Variants in BEGAIN observed in about 807,000 individuals in gnomAD.
BEGAIN encodes brain-enriched guanylate kinase-associated protein.
Under a neutral mutation model 35.8 loss-of-function variants are expected in BEGAIN, and 19 were observed. The observed-to-expected ratio is 0.53, with a 90% CI of 0.37 to 0.78. BEGAIN has a LOEUF of 0.78. Among genes scored for constraint, BEGAIN ranks in the 30% least tolerant of loss-of-function variants. The pLI is 0.00. For missense variants in BEGAIN, 795 were observed against 853.6 expected, an observed-to-expected ratio of 0.93 and a Z score of 0.85; for synonymous variants, 462 against 388.6, an observed-to-expected ratio of 1.19 and a Z score of -2.22.
intron 2 of BEGAIN, among the ~76,000 whole-genome samples, chr14:100,559,895 T>C (rs1242144598): frequency 6.6e-6 from 1 of 152,134 alleles, no homozygotes; most frequent in Non-Finnish European, 1.5e-5. Flanking sequence ...GCAGCAGCAA[T>C]GTTTGGAGGG....
At chr14:100,580,753 C>T (rs2035299042) in intron 1 of BEGAIN, among the ~76,000 whole-genome samples, 2 of 152,182 alleles carry the variant, frequency 1.3e-5, no homozygotes, top group South Asian at 4.1e-4. Flanking sequence ...CACTGTATCC[C>T]AGCTCTTTGC....
intron 2 of BEGAIN, among the ~76,000 whole-genome samples, chr14:100,555,520 C>T (rs117887832): frequency 0.03 from 4,575 of 152,322 alleles, 91 homozygotes; most frequent in Non-Finnish European, 0.041. Context: ...ATTTAGTCCT[C>T]AGACCCCCGA....
chr14:100,544,214 G>C (rs1169130279), intron 4 of BEGAIN, among the ~76,000 whole-genome samples: 1 of 152,192 alleles, frequency 6.6e-6, no homozygotes, highest in Non-Finnish European at 1.5e-5. Context: ...ACACAGAGGT[G>C]ACAGCGTCCT....
At position 100,586,408 on chromosome 14, in the gene BEGAIN, C is replaced by G. The variant is rs2035445828; in HGVS notation, c.42+841G>C. ...GCAGTGCTCCCTATCCATCCGGCCC[C>G]GCTCCCGGGTGCCCACTCTGCTCCC... On this transcript the variant is annotated intron_variant, in intron 1 of 6. Coordinates refer to ENST00000554140, the MANE Select transcript of BEGAIN (RefSeq NM_001385089.1). This position sits in a 1 kb window ranked among gnomAD's most constrained non-coding sequence, Gnocchi z 4.9. 6.6e-6 allele frequency among the ~76,000 whole-genome samples: 1 copy of G among 152,196 alleles called. No homozygotes were observed. The highest frequency in any genetic ancestry group is 2.4e-5 in the African/African-American group (1 of 41,450).
At chr14:100,576,530 C>A (rs1271247299) in intron 1 of BEGAIN, among the ~76,000 whole-genome samples, 1 of 152,214 alleles carries the variant, frequency 6.6e-6, no homozygotes, top group East Asian at 1.9e-4. Context: ...GAAAGCCTTC[C>A]TGGGTGGCTA....
At chr14:100,555,134 G>C (rs1442846178) in intron 2 of BEGAIN, among the ~76,000 whole-genome samples, 1 of 152,246 alleles carries the variant, frequency 6.6e-6, no homozygotes, top group Non-Finnish European at 1.5e-5. Flanking sequence ...TCAGACCCTT[G>C]GGATGCCTCT....
At chr14:100,546,780 GCACACACACACACACA>G (rs879183769) in intron 2 of BEGAIN, 118 bp from the exon 3 acceptor site, 3 of 342,072 alleles carry the variant, frequency 8.8e-6, no homozygotes, top group East Asian at 6.6e-5. Context: ...GCGCGCGCGC[GCACACACACACACACA>G]CACACACACA....
chr14:100,571,829 T>C (rs2035089174), intron 1 of BEGAIN, among the ~76,000 whole-genome samples: 1 of 152,206 alleles, frequency 6.6e-6, no homozygotes, highest in Non-Finnish European at 1.5e-5. Context: ...TCTTAGGGCC[T>C]TTGCACTGGT....
At position 100,579,972 on chromosome 14, in the gene BEGAIN, C is replaced by T. The variant is rs774813910; in HGVS notation, c.42+7277G>A. 5.3e-5 allele frequency among the ~76,000 whole-genome samples: 8 copies of T among 152,168 alleles called. No individual in the cohort carries two copies. The East Asian group carries it at 9.7e-4, about 18-fold the overall frequency. On this transcript the variant is annotated intron_variant, in intron 1 of 6. Transcript: ENST00000554140. The stretch of plus-strand genomic sequence containing the variant: ...CCTCCTGAGTCGATGCGGATCCAGC[C>T]CGGCCTATCCCACAAACACGGCGAG...
At chr14:100,543,777 T>G in intron 5 of BEGAIN, 81 bp downstream of exon 5, 1 of 1,107,986 alleles carries the variant, frequency 9.0e-7, no homozygotes, top group East Asian at 2.5e-5. Flanking sequence ...AGAGTCAGAA[T>G]GTGACTCCCA....
At position 100,567,574 on chromosome 14, in the gene BEGAIN, G is replaced by T. The variant is rs1379350688; in HGVS notation, c.71+337C>A. On this transcript the variant is annotated intron_variant, in intron 2 of 6. Coordinates refer to ENST00000554140, the MANE Select transcript of BEGAIN (RefSeq NM_001385089.1). This position sits in a 1 kb window ranked among gnomAD's most constrained non-coding sequence, Gnocchi z 5.1. The stretch of plus-strand genomic sequence containing the variant: ...ACGAACGGAACCCGGAGGGTCCCCG[G>T]GGACCAGCGAGAGTCCAGGGCAGGG... Among the ~76,000 whole-genome samples, 1 of 152,008 alleles carries T rather than the reference G, an allele frequency of 6.6e-6. No individual in the cohort carries two copies. Among genetic ancestry groups the T allele is most frequent in the African/African-American group, 2.4e-5 (1 of 41,434 alleles).
chr14:100,546,689 G>T, intron 2 of BEGAIN, 27 bp from the exon 3 acceptor site: 1 of 1,538,862 alleles, frequency 6.5e-7, no homozygotes, highest in Admixed American at 1.9e-5. Context: ...GCGGCGGGCC[G>T]GGCCGCGGCG....
chr14:100,575,108 A>T (rs1160518667), intron 1 of BEGAIN, among the ~76,000 whole-genome samples: 6 of 152,156 alleles, frequency 3.9e-5, no homozygotes, highest in Non-Finnish European at 8.8e-5. Context: ...GACAGGACTG[A>T]AACCCAGGGT....
intron 1 of BEGAIN, chr14:100,577,207 A>G: frequency 2.5e-6 from 1 of 398,030 alleles, no homozygotes; most frequent in Non-Finnish European, 4.4e-6. Context: ...TCCCGTTACA[A>G]ATATTATAAA....
rs2034449545 is a variant in BEGAIN at position 100,563,532 on chromosome 14, C to T, written c.71+4379G>A. Among the ~76,000 whole-genome samples the T allele has an allele frequency of 6.6e-6, 1 of 152,238 alleles. No homozygotes were observed. Among genetic ancestry groups the T allele is most frequent in the South Asian group, 2.1e-4 (1 of 4,834 alleles). ...CTCCCACAAATCAATGGGAAAAACA[C>T]CTTGGTAGAAAATGCGCACGGCCTT... On this transcript the variant is annotated intron_variant, in intron 2 of 6. Transcript: ENST00000554140. This position sits in a 1 kb window ranked among gnomAD's most constrained non-coding sequence, Gnocchi z 4.2.
chr14:100,555,831 C>T (rs368316063), intron 2 of BEGAIN, among the ~76,000 whole-genome samples: 3 of 152,190 alleles, frequency 2.0e-5, no homozygotes, highest in East Asian at 1.9e-4. Context: ...TGGGTTTAGC[C>T]GTGCCCGCCC....
intron 5 of BEGAIN, among the ~76,000 whole-genome samples, chr14:100,541,209 C>T (rs758072934): frequency 2.2e-4 from 33 of 152,242 alleles, no homozygotes; most frequent in African/African-American, 6.8e-4. Flanking sequence ...GGTGTGGCTT[C>T]GCCACTGAAA....
Position 100,558,921 on chromosome 14 carries a change from A to G in BEGAIN, c.71+8990T>C, listed in dbSNP as rs116907998. Among the ~76,000 whole-genome samples the G allele has an allele frequency of 2.3e-3, 347 of 152,270 alleles. 8 individuals are homozygous for G. In the East Asian group the frequency reaches 0.036, roughly 16 times the overall value. ...GTGTGCAGGACACACAGCTGGGAGC[A>G]TGCCGGTGGGGCCAGGGCGCGTCCT... On this transcript the variant is annotated intron_variant, in intron 2 of 6. Transcript: ENST00000554140. This position sits in a 1 kb window ranked among gnomAD's most constrained non-coding sequence, Gnocchi z 4.6.
chr14:100,562,162 G>A (rs932170747), intron 2 of BEGAIN, among the ~76,000 whole-genome samples: 1 of 152,134 alleles, frequency 6.6e-6, no homozygotes, highest in African/African-American at 2.4e-5. Context: ...TGGGTTGGAG[G>A]AGACAAGAGA....
Sources: gnomAD v4.1 joint callset for allele counts (sites outside exome capture counted in the v4.1 genomes callset) on GRCh38, gnomAD v4.1.1 for gene constraint, Gnocchi (gnomAD v3.1) non-coding constraint, MANE v1.5 for transcripts, NCBI Gene and HGNC (gene_info 2026-07-23, HGNC 2026-07-21) for gene names.